The following HBS1L variants were observed in gnomAD, a reference collection of about 807,000 sequenced individuals.
HBS1L encodes the protein HBS1 like translational GTPase.
A neutral mutation model predicts 88.9 loss-of-function variants in HBS1L; 55 were observed. That is an observed-to-expected ratio of 0.62 (90% CI 0.50 to 0.77). The LOEUF is 0.77. Ranked by LOEUF, HBS1L falls within the 30% of genes least tolerant of loss-of-function variation. HBS1L has a pLI of 0.00. For missense variants in HBS1L, 741 were observed against 829.3 expected (o/e 0.89, Z 1.31); for synonymous variants, 267 against 288.5 (o/e 0.93, Z 0.76).
intron 13 of HBS1L, among the ~76,000 whole-genome samples, chr6:134,979,838 A>T (rs1475101556): frequency 6.6e-6 from 1 of 152,062 alleles, no homozygotes; most frequent in African/African-American, 2.4e-5. Flanking sequence ...TTCCAGAGAG[A>T]GATCTGCATA....
Position 135,031,587 on chromosome 6 carries a change from G to T in HBS1L, c.430+7986C>A, listed in dbSNP as rs186080436. Among the ~76,000 whole-genome samples, 577 of 152,084 alleles carry T rather than the reference G, an allele frequency of 3.8e-3. 3 individuals carry two copies. Among genetic ancestry groups the T allele is most frequent in the African/African-American group, 0.012 (516 of 41,560 alleles). On this transcript the variant is annotated intron_variant, in intron 4 of 17. Coordinates refer to ENST00000367837, the MANE Select transcript of HBS1L (RefSeq NM_006620.4). ...ACAGTAATAACAAAGACGGGAAACA[G>T]AAGAGAAGGTGGCACCTTGGATGAG...
chr6:134,968,545 G>C (rs1266447888), intron 16 of HBS1L, among the ~76,000 whole-genome samples: 3 of 152,092 alleles, frequency 2.0e-5, no homozygotes, highest in Admixed American at 1.3e-4. Flanking sequence ...CACTGTGCCT[G>C]GCCAAGAAAT....
intron 13 of HBS1L, among the ~76,000 whole-genome samples, chr6:134,980,392 T>C (rs199870007): frequency 2.6e-5 from 4 of 152,042 alleles, no homozygotes; most frequent in East Asian, 3.9e-4. Context: ...CTCCCAAACA[T>C]GTTAGCAATT....
Position 134,993,833 on chromosome 6 carries a change from T to G in HBS1L, c.1008A>C (p.Thr336=), listed in dbSNP as rs1285763344. 1.2e-6 allele frequency: 2 copies of G among 1,606,394 alleles called. No homozygotes were observed. The highest frequency in any genetic ancestry group is 1.7e-6 in the Non-Finnish European group (2 of 1,174,814). ...MDVGMTKFET[T]TKVITLMDAP... ...CATCCATTAATGTAATAACTTTGGT[T>G]GTGGTTTCAAACTTTGTCATACCAA... The change falls in exon 8 of 18, where the codon ACA becomes ACC. Residue 336 remains threonine, a synonymous_variant. Coordinates refer to ENST00000367837, the MANE Select transcript of HBS1L (RefSeq NM_006620.4).
At chr6:135,033,632 C>T (rs1433475910) in intron 4 of HBS1L, among the ~76,000 whole-genome samples, 1 of 152,172 alleles carries the variant, frequency 6.6e-6, no homozygotes, top group Non-Finnish European at 1.5e-5. Flanking sequence ...AATCTCATAC[C>T]TAGTAGTTAC....
intron 4 of HBS1L, among the ~76,000 whole-genome samples, chr6:135,014,449 T>C (rs1775860041): frequency 6.6e-6 from 1 of 151,996 alleles, no homozygotes; most frequent in South Asian, 2.1e-4. Flanking sequence ...CTAACAGATG[T>C]GATGAACAGT....
At position 134,986,808 on chromosome 6, in the gene HBS1L, A is replaced by T. The variant is rs753799467; in HGVS notation, c.1233T>A (p.Val411=). Residue 411 remains valine, a splice_region_variant and synonymous_variant, in exon 10 of 18, where the codon GTT becomes GTA. Coordinates refer to ENST00000367837, the MANE Select transcript of HBS1L (RefSeq NM_006620.4). The part of the protein sequence containing the change: ...LAVAVNKMDQ[V]NWQQERFQEI... ...CTTGAAACCTTTCTTGTTGCCAATT[A>T]ACCTGATAAAGATCCAATTTATTTT... 6.5e-7 allele frequency: 1 copy of T among 1,529,628 alleles called. No homozygotes were observed. Among genetic ancestry groups the T allele is most frequent in the Non-Finnish European group, 8.8e-7 (1 of 1,132,180 alleles). 94.8% of individuals were successfully genotyped at this position (1,529,628 alleles called of 1,614,324 possible). A position where few individuals can be genotyped will look rare whatever the true frequency, so the allele number is the denominator to read the frequency against.
chr6:135,035,623 C>A (rs1411143229), intron 4 of HBS1L, among the ~76,000 whole-genome samples: 1 of 151,128 alleles, frequency 6.6e-6, no homozygotes, highest in Non-Finnish European at 1.5e-5. Context: ...TGGTGGTGGG[C>A]ACCAGTAGTC....
At chr6:135,040,495 A>G (rs972936529) in intron 3 of HBS1L, among the ~76,000 whole-genome samples, 2 of 151,554 alleles carry the variant, frequency 1.3e-5, no homozygotes, top group East Asian at 3.9e-4. Context: ...GGGATTATGG[A>G]CGCCCGCCAC....
chr6:134,993,895 G>A lies in HBS1L; in HGVS notation c.966-20C>T. ...ACTCCCCTTAAACAAAACATAACATGGTTAGAATGTACGATATAAATAGTG... is the reference window on the plus strand; with the variant it reads ...ACTCCCCTTAAACAAAACATAACATAGTTAGAATGTACGATATAAATAGTG... On this transcript the variant is annotated intron_variant, in intron 7 of 17. Transcript: ENST00000367837. The A allele has an allele frequency of 1.7e-6, 2 of 1,196,474 alleles. No individual in the cohort carries two copies. Among genetic ancestry groups the A allele is most frequent in the Admixed American group, 1.7e-5 (1 of 57,694 alleles). 74.1% of individuals were successfully genotyped at this position (1,196,474 alleles called of 1,614,324 possible).
chr6:134,999,284 C>A (rs1478068042), intron 5 of HBS1L, among the ~76,000 whole-genome samples: 1 of 152,142 alleles, frequency 6.6e-6, no homozygotes, highest in Non-Finnish European at 1.5e-5. Context: ...TGAAGCTCAG[C>A]TCCCCCACCA....
chr6:135,022,567 C>T (rs1303073373), intron 4 of HBS1L, among the ~76,000 whole-genome samples: 2 of 152,272 alleles, frequency 1.3e-5, no homozygotes, highest in East Asian at 3.9e-4. Context: ...ACTTCCTTTA[C>T]AAAGCCCACA....
At chr6:135,032,695 T>G (rs949238657) in intron 4 of HBS1L, among the ~76,000 whole-genome samples, 6 of 152,170 alleles carry the variant, frequency 3.9e-5, no homozygotes, top group African/African-American at 1.4e-4. Flanking sequence ...TTCTTCTCTA[T>G]AACCGTATTT....
At chr6:135,020,375 G>C (rs1776038264) in intron 4 of HBS1L, among the ~76,000 whole-genome samples, 1 of 151,878 alleles carries the variant, frequency 6.6e-6, no homozygotes, top group African/African-American at 2.4e-5. Flanking sequence ...TCAGAAACTT[G>C]TAAGGTAGAC....
chr6:134,968,828 G>C (rs959849592), intron 16 of HBS1L, among the ~76,000 whole-genome samples: 7 of 151,722 alleles, frequency 4.6e-5, no homozygotes, highest in Non-Finnish European at 7.4e-5. Flanking sequence ...TTTCTTCTTA[G>C]CTTAGCATAG....
chr6:135,023,459 A>AAC (rs1313312751), intron 4 of HBS1L, among the ~76,000 whole-genome samples: 4 of 151,822 alleles, frequency 2.6e-5, no homozygotes, highest in African/African-American at 9.7e-5. Context: ...CAACAACAAC[A>AAC]AAAGAACCAA....
In HBS1L at chr6:135,039,529, A is replaced by G. The variant is rs779938719; in HGVS notation, c.430+44T>C. 2.7e-6 allele frequency: 4 copies of G among 1,495,548 alleles called. No individual in the cohort carries two copies. The South Asian group carries it at 3.5e-5, about 13-fold the overall frequency. The allele number at this position is 1,495,548 out of a possible 1,614,324, so 92.6% of individuals were successfully genotyped here. A position where few individuals can be genotyped will look rare whatever the true frequency, so the allele number is the denominator to read the frequency against. Reference sequence around the variant, plus strand: ...AGCAAACGAAAGCCTCTCTTTAGGCATTAACTATGTAAAACAAGTGAAAAA... The same window carrying G: ...AGCAAACGAAAGCCTCTCTTTAGGCGTTAACTATGTAAAACAAGTGAAAAA... On this transcript the variant is annotated intron_variant, in intron 4 of 17. Transcript: ENST00000367837.
intron 4 of HBS1L, among the ~76,000 whole-genome samples, chr6:135,023,102 T>A (rs1040855903): frequency 1.5e-4 from 23 of 151,730 alleles, no homozygotes; most frequent in African/African-American, 5.1e-4. Flanking sequence ...TTTTTTTTTT[T>A]AAACTTCTTG....
chr6:134,999,548 A>G (rs1775390454), intron 5 of HBS1L, among the ~76,000 whole-genome samples: 1 of 144,314 alleles, frequency 6.9e-6, no homozygotes. Flanking sequence ...CCCAGGTTCC[A>G]GCAATTCTCC....
Sources: gnomAD v4.1 joint callset for allele counts (sites outside exome capture counted in the v4.1 genomes callset) on GRCh38, gnomAD v4.1.1 for gene constraint, MANE v1.5 for transcripts, NCBI Gene and HGNC (gene_info 2026-07-23, HGNC 2026-07-21) for gene names.